Variants in FAM117B observed in about 807,000 individuals in gnomAD.
FAM117B encodes the protein family with sequence similarity 117 member B.
FAM117B carries 22 observed loss-of-function variants against 52.8 expected under a neutral mutation model. The observed-to-expected ratio is 0.42, with a 90% CI of 0.30 to 0.59. The LOEUF is 0.59. Ranked by LOEUF, FAM117B falls within the 20% of genes least tolerant of loss-of-function variation. The pLI is 0.22. For missense variants in FAM117B, 678 were observed against 802.6 expected (o/e 0.84, Z 1.88); for synonymous variants, 309 against 324.1 (o/e 0.95, Z 0.50).
chr2:202,650,588 C>T (rs1689941356), intron 1 of FAM117B, among the ~76,000 whole-genome samples: 1 of 152,164 alleles, frequency 6.6e-6, no homozygotes, highest in Admixed American at 6.5e-5. Context: ...AATAGGCTGT[C>T]TGCAATCTGG....
intron 4 of FAM117B, among the ~76,000 whole-genome samples, chr2:202,748,102 C>T (rs1418652285): frequency 2.6e-5 from 4 of 151,830 alleles, no homozygotes; most frequent in African/African-American, 9.7e-5. Flanking sequence ...CATGGATCCA[C>T]GGAACAGAAT....
chr2:202,693,037 A>T (rs1480137611), intron 1 of FAM117B, among the ~76,000 whole-genome samples: 3 of 152,238 alleles, frequency 2.0e-5, no homozygotes, highest in Non-Finnish European at 4.4e-5. Context: ...GGTGCAAGAC[A>T]GATTTGGCCT....
At position 202,695,929 on chromosome 2, in the gene FAM117B, G is replaced by A. The variant is rs780227097; in HGVS notation, c.650G>A (p.Arg217His). 4 of 1,613,320 alleles carry A rather than the reference G, an allele frequency of 2.5e-6. No homozygotes were observed. Among genetic ancestry groups the A allele is most frequent in the African/African-American group, 2.7e-5 (2 of 74,880 alleles). Residue 217 changes from arginine (R) to histidine (H), a missense_variant, in exon 2 of 8, where the codon CGC becomes CAC. Arg to His is a conservative substitution (Grantham distance 29). This residue lies in a region of FAM117B where 583 missense variants were observed against 644.8 expected (regional missense o/e 0.90). Coordinates refer to ENST00000392238, the MANE Select transcript of FAM117B (RefSeq NM_173511.4). ...TCAAGCCCCTCCAGTATTATCCGAC[G>A]CACTTCCTCCCTGGATACTCTTGCT... ...PSSSPSSIIR[R>H]TSSLDTLAAP...
At chr2:202,692,399 A>G (rs1263614052) in intron 1 of FAM117B, among the ~76,000 whole-genome samples, 2 of 152,162 alleles carry the variant, frequency 1.3e-5, no homozygotes, top group Admixed American at 6.5e-5. Flanking sequence ...CTTCTTCTGT[A>G]ATGTACCACA....
At chr2:202,691,657 G>GTGTGTGTGTGTGTA (rs1690627150) in intron 1 of FAM117B, among the ~76,000 whole-genome samples, 1 of 128,500 alleles carries the variant, frequency 7.8e-6, no homozygotes, top group South Asian at 2.5e-4. Flanking sequence ...CATTGTGTGT[G>GTGTGTGTGTGTGTA]TGTGTGTGTG....
chr2:202,727,062 C>T (rs1325103404), intron 4 of FAM117B, among the ~76,000 whole-genome samples: 1 of 151,758 alleles, frequency 6.6e-6, no homozygotes, highest in Non-Finnish European at 1.5e-5. Flanking sequence ...CCAAAGAACA[C>T]TTTTTTTTAC....
chr2:202,691,195 C>T (rs905128104), intron 1 of FAM117B, among the ~76,000 whole-genome samples: 1 of 152,136 alleles, frequency 6.6e-6, no homozygotes, highest in Non-Finnish European at 1.5e-5. Flanking sequence ...TGGGCAGGAT[C>T]ACCTGAGGTC....
chr2:202,635,615 C>CGCCGCCGCT lies in FAM117B; in HGVS notation c.431_439dup (p.Pro144_Leu146dup). 1 of 1,290,460 alleles carries CGCCGCCGCT rather than the reference C, an allele frequency of 7.7e-7. No homozygotes were observed. Among genetic ancestry groups the CGCCGCCGCT allele is most frequent in the Non-Finnish European group, 9.8e-7 (1 of 1,024,784 alleles). 79.9% of individuals were successfully genotyped at this position (1,290,460 alleles called of 1,614,324 possible). On this transcript the variant is annotated inframe_insertion, in exon 1 of 8. Coordinates refer to ENST00000392238, the MANE Select transcript of FAM117B (RefSeq NM_173511.4). ...GGGAGCCCCCCACGGCCGCCGCCGC[C>CGCCGCCGCT]GCCGCCGCTGCTGGGCACCGTGTCG...
chr2:202,721,997 T>A (rs1691159375), intron 2 of FAM117B, among the ~76,000 whole-genome samples: 1 of 150,132 alleles, frequency 6.7e-6, no homozygotes, highest in South Asian at 2.1e-4. Context: ...AAGCATCTTG[T>A]AAAGATACAA....
intron 1 of FAM117B, among the ~76,000 whole-genome samples, chr2:202,652,246 A>G (rs1689968354): frequency 6.6e-6 from 1 of 151,980 alleles, no homozygotes; most frequent in African/African-American, 2.4e-5. Flanking sequence ...CCACAGGTGC[A>G]TGCCACCTTG....
intron 1 of FAM117B, among the ~76,000 whole-genome samples, chr2:202,646,828 ATTT>A (rs145060828): frequency 6.6e-6 from 1 of 151,256 alleles, no homozygotes; most frequent in Non-Finnish European, 1.5e-5. Flanking sequence ...TTCCTGTATG[ATTT>A]TTTTTTACCT....
At chr2:202,654,665 CTT>C (rs753974102) in intron 1 of FAM117B, among the ~76,000 whole-genome samples, 24 of 137,306 alleles carry the variant, frequency 1.7e-4, no homozygotes, top group South Asian at 2.3e-4. Context: ...CCTTTGTAAT[CTT>C]TTTTTTTTTT....
At chr2:202,751,993 G>T (rs1474367176) in intron 4 of FAM117B, among the ~76,000 whole-genome samples, 2 of 151,976 alleles carry the variant, frequency 1.3e-5, no homozygotes, top group Non-Finnish European at 2.9e-5. Context: ...TGGAAGTAAA[G>T]GGAATAAGTA....
chr2:202,767,580 G>C lies in FAM117B; in HGVS notation c.*1816G>C, dbSNP rs1692002626. On this transcript the variant is annotated 3_prime_UTR_variant, in exon 8 of 8. Transcript: ENST00000392238. ...TTTACTGTTCCTATACATATTATAAGGTAGAAAAAAGTTTTTAAATCCTTA... is the reference window on the plus strand; with the variant it reads ...TTTACTGTTCCTATACATATTATAACGTAGAAAAAAGTTTTTAAATCCTTA... The C allele has an allele frequency of 6.6e-6, 1 of 152,032 alleles. No individual in the cohort carries two copies. The highest frequency in any genetic ancestry group is 2.4e-5 in the African/African-American group (1 of 41,388). The allele number at this position is 152,032 out of a possible 1,614,324, so 9.4% of individuals were successfully genotyped here.
At position 202,672,282 on chromosome 2, in the gene FAM117B, G is replaced by A. The variant is rs143819054; in HGVS notation, c.602-23599G>A. On this transcript the variant is annotated intron_variant, in intron 1 of 7. Coordinates refer to ENST00000392238, the MANE Select transcript of FAM117B (RefSeq NM_173511.4). ...GGCTGGAGTGCAGTGGCACGATCCC[G>A]GCTCACTACAACCTTCACCTCCTGG... is the stretch of plus-strand genomic sequence containing the variant. 2.7e-3 allele frequency among the ~76,000 whole-genome samples: 408 copies of A among 152,250 alleles called. 6 individuals carry two copies. The highest frequency in any genetic ancestry group is 0.02 in the Admixed American group (300 of 15,290).
At chr2:202,712,419 CTTTT>C (rs1186703318) in intron 2 of FAM117B, among the ~76,000 whole-genome samples, 4 of 89,458 alleles carry the variant, frequency 4.5e-5, no homozygotes, top group Non-Finnish European at 6.4e-5. Flanking sequence ...TATCAGCTCT[CTTTT>C]TTTTTTTTTT....
intron 4 of FAM117B, among the ~76,000 whole-genome samples, chr2:202,726,895 T>G (rs1024765910): frequency 2.0e-5 from 3 of 152,006 alleles, no homozygotes; most frequent in African/African-American, 7.2e-5. Context: ...GTAACAAACC[T>G]GCATGTTGTG....
intron 2 of FAM117B, among the ~76,000 whole-genome samples, chr2:202,717,831 T>TG (rs57948677): frequency 0.098 from 14,913 of 152,192 alleles, 2,444 homozygotes; most frequent in African/African-American, 0.34. Flanking sequence ...CTCAAGGCCC[T>TG]GGGCTCTGCA....
In FAM117B at chr2:202,749,610, A is replaced by AT. The variant is rs575704720; in HGVS notation, c.961-5920dup. Among the ~76,000 whole-genome samples, 18 of 151,828 alleles carry AT rather than the reference A, an allele frequency of 1.2e-4. No homozygotes were observed. In the South Asian group the frequency reaches 1.9e-3, roughly 16 times the overall value. The stretch of plus-strand genomic sequence containing the variant: ...ATTTAATTTTCTTTCTTCACTGAAT[A>AT]TTTTTTTTACTTTTGCAATAAAGAA... On this transcript the variant is annotated intron_variant, in intron 4 of 7. Coordinates refer to ENST00000392238, the MANE Select transcript of FAM117B (RefSeq NM_173511.4).
Sources: allele counts gnomAD v4.1 joint callset (sites outside exome capture counted in the v4.1 genomes callset), GRCh38; gene constraint gnomAD v4.1.1; regional missense constraint gnomAD v4.1.1; transcripts MANE v1.5; gene names NCBI Gene and HGNC (gene_info 2026-07-23, HGNC 2026-07-21).